Variants in SHOC2 observed in about 807,000 individuals in gnomAD.
The protein encoded by SHOC2 is leucine-rich repeat protein SHOC-2.
SHOC2 carries 4 observed loss-of-function variants against 50.2 expected under a neutral mutation model. The observed-to-expected ratio is 0.08, with a 90% CI of 0.04 to 0.18. The LOEUF is 0.18. Among genes scored for constraint, SHOC2 ranks in the 10% least tolerant of loss-of-function variants. The probability of loss-of-function intolerance (pLI) is 1.00; values close to 1 mark genes in which losing one functional copy is unlikely to be tolerated. For missense variants in SHOC2, 388 were observed against 669.6 expected (o/e 0.58, Z 4.64); for synonymous variants, 218 against 244.5 (o/e 0.89, Z 1.01).
chr10:110,959,529 G>A (rs1426946388), intron 1 of SHOC2, among the ~76,000 whole-genome samples: 1 of 152,164 alleles, frequency 6.6e-6, no homozygotes, highest in Non-Finnish European at 1.5e-5. Flanking sequence ...GCTAAAAATA[G>A]TTAGATTGTA....
At chr10:110,982,247 G>A (rs1216938043) in intron 2 of SHOC2, among the ~76,000 whole-genome samples, 1 of 150,004 alleles carries the variant, frequency 6.7e-6, no homozygotes, top group African/African-American at 2.5e-5. Context: ...TCTTAATCCA[G>A]TCTATCATTG....
intron 4 of SHOC2, 33 bp downstream of exon 4, chr10:111,000,578 A>T: frequency 6.3e-7 from 1 of 1,575,670 alleles, no homozygotes; most frequent in East Asian, 2.2e-5. Flanking sequence ...CAAGATTTGA[A>T]ATGAGTCTGC....
intron 1 of SHOC2, chr10:110,936,804 C>G: frequency 8.6e-7 from 1 of 1,159,812 alleles, no homozygotes; most frequent in Non-Finnish European, 1.3e-6. Context: ...CAGCCAACCT[C>G]GTGAGCCAGG....
chr10:110,938,988 A>G (rs1235547150), intron 1 of SHOC2, among the ~76,000 whole-genome samples: 2 of 152,208 alleles, frequency 1.3e-5, no homozygotes. Flanking sequence ...CCAGACTAAA[A>G]GTAATTTTTG....
chr10:110,994,080 G>A (rs1251915728), intron 3 of SHOC2, among the ~76,000 whole-genome samples: 1 of 151,850 alleles, frequency 6.6e-6, no homozygotes, highest in Non-Finnish European at 1.5e-5. Flanking sequence ...GTGATGTAAA[G>A]GAGAAAAAGG....
chr10:110,981,701 G>C (rs373181594), intron 2 of SHOC2, among the ~76,000 whole-genome samples: 1 of 151,932 alleles, frequency 6.6e-6, no homozygotes, highest in African/African-American at 2.4e-5. Flanking sequence ...ATCATCAAAT[G>C]ATCTTACTTC....
intron 1 of SHOC2, among the ~76,000 whole-genome samples, chr10:110,953,817 G>A (rs1847405263): frequency 6.6e-6 from 1 of 151,450 alleles, no homozygotes; most frequent in Admixed American, 6.6e-5. Context: ...GGATTGGGGG[G>A]AATAGAAAAG....
In SHOC2 at chr10:111,009,298, A is replaced by G. The variant is rs1441866772; in HGVS notation, c.1335A>G (p.Gly445=). The G allele has an allele frequency of 6.9e-6, 11 of 1,597,634 alleles. No homozygotes were observed. The South Asian group carries it at 1.2e-4, about 18-fold the overall frequency. The part of the protein sequence containing the change: ...NLLKKLPHGL[G]NLRKLRELDL... ...TAAAGAAGCTTCCCCATGGTCTTGG[A>G]AACCTTAGGAAGTTAAGAGAGTTGG... Residue 445 remains glycine, a synonymous_variant, in exon 7 of 9, where the codon GGA becomes GGG. Transcript: ENST00000369452.
Position 110,964,766 on chromosome 10 carries a change from G to A in SHOC2, c.408G>A (p.Gln136=), listed in dbSNP as rs147251195. 1.9e-6 allele frequency: 3 copies of A among 1,614,078 alleles called. No homozygotes were observed. Among genetic ancestry groups the A allele is most frequent in the Non-Finnish European group, 1.7e-6 (2 of 1,179,950 alleles). The change falls in exon 2 of 9, where the codon CAG becomes CAA. Residue 136 remains glutamine (Q), a synonymous_variant. Transcript: ENST00000369452. This position sits in a 1 kb window ranked among gnomAD's most constrained non-coding sequence, Gnocchi z 4.9. ...TELYLYSNKL[Q]SLPAEVGCLV... is the part of the protein sequence containing the mutation. ...TTTATTTATACAGTAACAAATTGCA[G>A]TCCCTCCCAGCAGAGGTGGGATGTT...
At chr10:110,926,634 C>T (rs11813262) in intron 1 of SHOC2, among the ~76,000 whole-genome samples, 8,837 of 152,072 alleles carry the variant, frequency 0.058, 329 homozygotes, top group African/African-American at 0.11. Context: ...GACAAACATG[C>T]GTAGAATCTT....
intron 2 of SHOC2, among the ~76,000 whole-genome samples, chr10:110,966,214 A>C (rs940303048): frequency 6.6e-6 from 1 of 152,056 alleles, no homozygotes; most frequent in Non-Finnish European, 1.5e-5. Flanking sequence ...ATATTAATTA[A>C]ATTTTGGTTT....
rs1210773087 is a variant in SHOC2, at chr10:111,001,372, C to T, written c.972+827C>T. 2.6e-5 allele frequency among the ~76,000 whole-genome samples: 4 copies of T among 152,170 alleles called. No individual in the cohort carries two copies. The East Asian group carries it at 7.7e-4, about 29-fold the overall frequency. On this transcript the variant is annotated intron_variant, in intron 4 of 8. Transcript: ENST00000369452. ...GTTTCACCATGTTGGCCAGGCTGGT[C>T]TCGAGCTCCTGACCTCCAGTGGTCC...
chr10:110,937,175 G>A (rs903516325), intron 1 of SHOC2: 1 of 1,537,244 alleles, frequency 6.5e-7, no homozygotes, highest in Non-Finnish European at 9.0e-7. Context: ...CACGATGGTC[G>A]CCAGGCGGCC....
chr10:110,953,117 TTCTAGA>T (rs1477380179), intron 1 of SHOC2, among the ~76,000 whole-genome samples: 2 of 152,210 alleles, frequency 1.3e-5, no homozygotes, highest in African/African-American at 4.8e-5. Flanking sequence ...GTATTTCTGG[TTCTAGA>T]TCCTTGAGGA....
chr10:111,007,842 GA>G (rs1276030408), intron 6 of SHOC2, among the ~76,000 whole-genome samples, 189 bp downstream of exon 6: 1 of 152,020 alleles, frequency 6.6e-6, no homozygotes, highest in Non-Finnish European at 1.5e-5. Context: ...CAGTGCTTTT[GA>G]ATTTCTCTTG....
chr10:111,012,060 C>T lies in SHOC2; in HGVS notation c.*242C>T, dbSNP rs1481154857. 4.0e-6 allele frequency: 2 copies of T among 502,882 alleles called. No individual in the cohort carries two copies. The highest frequency in any genetic ancestry group is 7.1e-6 in the Non-Finnish European group (2 of 282,630). The allele number at this position is 502,882 out of a possible 1,614,324, so 31.2% of individuals were successfully genotyped here. On this transcript the variant is annotated 3_prime_UTR_variant, in exon 9 of 9. Coordinates refer to ENST00000369452, the MANE Select transcript of SHOC2 (RefSeq NM_007373.4). ...TTTTTCTGTTGTGTAATCTGATATG[C>T]CAGTTTGCTTAAAACATTTGCCAAC...
intron 3 of SHOC2, among the ~76,000 whole-genome samples, chr10:110,994,861 A>G (rs1848243193): frequency 6.6e-6 from 1 of 152,206 alleles, no homozygotes; most frequent in African/African-American, 2.4e-5. Flanking sequence ...AATTGTTAGT[A>G]GTTCCTTCCC....
chr10:110,951,738 C>G (rs568421248), intron 1 of SHOC2: 67 of 152,150 alleles, frequency 4.4e-4, no homozygotes, highest in African/African-American at 1.6e-3. Context: ...TGATCTTGGC[C>G]CACTGCAACC....
At chr10:110,932,883 T>C (rs1846921773) in intron 1 of SHOC2, among the ~76,000 whole-genome samples, 1 of 152,184 alleles carries the variant, frequency 6.6e-6, no homozygotes, top group Non-Finnish European at 1.5e-5. Context: ...AAAATATACT[T>C]TTTATATTTA....
Sources: allele counts gnomAD v4.1 joint callset (sites outside exome capture counted in the v4.1 genomes callset), GRCh38; gene constraint gnomAD v4.1.1; non-coding constraint Gnocchi (gnomAD v3.1); transcripts MANE v1.5; gene names NCBI Gene and HGNC (gene_info 2026-07-23, HGNC 2026-07-21).